DHDDS: variants seen among roughly 807,000 people sequenced by gnomAD.
The protein encoded by DHDDS is dehydrodolichyl diphosphate synthase complex subunit DHDDS.
DHDDS carries 16 observed loss-of-function variants against 46.2 expected under a neutral mutation model. That is an observed-to-expected ratio of 0.35 (90% CI 0.23 to 0.53). The LOEUF (loss-of-function observed/expected upper bound fraction) is 0.53, where lower values mean the gene tolerates loss of function less well. Among genes scored for constraint, DHDDS ranks in the 20% least tolerant of loss-of-function variants. The pLI, the probability that DHDDS is intolerant of heterozygous loss-of-function variation, is 0.94. For missense variants in DHDDS, 340 were observed against 423.7 expected, an observed-to-expected ratio of 0.80 and a Z score of 1.73; for synonymous variants, 151 against 163.1, an observed-to-expected ratio of 0.93 and a Z score of 0.56.
intron 6 of DHDDS, among the ~76,000 whole-genome samples, chr1:26,457,453 G>C (rs191139846): frequency 2.0e-5 from 3 of 151,448 alleles, no homozygotes; most frequent in African/African-American, 7.3e-5. Context: ...CTGGGGAACA[G>C]TGTGAGACTC....
At chr1:26,463,992 CT>C (rs60149042) in intron 8 of DHDDS, among the ~76,000 whole-genome samples, 440 of 93,768 alleles carry the variant, frequency 4.7e-3, no homozygotes, top group Middle Eastern at 0.011. Flanking sequence ...TATTTGCAAA[CT>C]TTTTTTTTTT....
rs1367383291 is a variant in DHDDS, at chr1:26,441,522, T to C, written c.181-1209T>C. Reference sequence around the variant, plus strand: ...GCCAGTTTCATTTCTTTTTGAGTTATAATTTCATATGGTGAACTGCACAGA... The same window carrying C: ...GCCAGTTTCATTTCTTTTTGAGTTACAATTTCATATGGTGAACTGCACAGA... On this transcript the variant is annotated intron_variant, in intron 3 of 8. Transcript: ENST00000236342. 3.9e-5 allele frequency among the ~76,000 whole-genome samples: 6 copies of C among 152,184 alleles called. No homozygotes were observed. The East Asian group carries it at 1.2e-3, about 29-fold the overall frequency.
At chr1:26,456,551 C>T (rs2075371933) in intron 6 of DHDDS, among the ~76,000 whole-genome samples, 1 of 152,248 alleles carries the variant, frequency 6.6e-6, no homozygotes, top group Admixed American at 6.5e-5. Flanking sequence ...CGGCACCACA[C>T]CCAGCTAATT....
At chr1:26,434,702 G>C (rs1262837819) in intron 2 of DHDDS, among the ~76,000 whole-genome samples, 1 of 152,168 alleles carries the variant, frequency 6.6e-6, no homozygotes, top group African/African-American at 2.4e-5. Context: ...GCCCAGGCTA[G>C]AGTGCAGTGG....
At chr1:26,437,664 CTG>C (rs2075173871) in intron 2 of DHDDS, among the ~76,000 whole-genome samples, 2 of 151,918 alleles carry the variant, frequency 1.3e-5, no homozygotes, top group African/African-American at 2.4e-5. Flanking sequence ...TTAGTAGAGA[CTG>C]GGTTTCGCCA....
rs1324295594 is a variant in DHDDS at position 26,458,038 on chromosome 1, G to A, written c.657+133G>A. Reference sequence around the variant, plus strand: ...GTACTTCTGGGGAAAGCTAAAATCTGGAGAAGCATCTCTAGGCTGTGTCTC... The same window carrying A: ...GTACTTCTGGGGAAAGCTAAAATCTAGAGAAGCATCTCTAGGCTGTGTCTC... On this transcript the variant is annotated intron_variant, in intron 7 of 8. Coordinates refer to ENST00000236342, the MANE Select transcript of DHDDS (RefSeq NM_205861.3). 69 of 752,316 alleles carry A rather than the reference G, an allele frequency of 9.2e-5. No individual in the cohort carries two copies. The Admixed American group carries it at 1.2e-3, about 13-fold the overall frequency. 46.6% of individuals were successfully genotyped at this position (752,316 alleles called of 1,614,324 possible). A position where few individuals can be genotyped will look rare whatever the true frequency, so the allele number is the denominator to read the frequency against.
intron 2 of DHDDS, among the ~76,000 whole-genome samples, chr1:26,436,325 G>T (rs1005800062): frequency 3.9e-5 from 6 of 152,038 alleles, no homozygotes; most frequent in African/African-American, 1.4e-4. Context: ...TTCTCCTCCC[G>T]AAAGGTGGAG....
At chr1:26,448,024 G>A (rs2075286169) in intron 6 of DHDDS, 1 of 506,108 alleles carries the variant, frequency 2.0e-6, no homozygotes, top group African/African-American at 1.9e-5. Flanking sequence ...CAGAGAAAGA[G>A]CAAAGCAGAT....
At chr1:26,454,524 A>G (rs886715995) in intron 6 of DHDDS, 16 of 555,220 alleles carry the variant, frequency 2.9e-5, no homozygotes, top group South Asian at 2.3e-5. Flanking sequence ...AGTGCACTCA[A>G]ATCTATTATT....
rs1038637779 is a variant in DHDDS at position 26,447,130 on chromosome 1, G to A, written c.441-429G>A. On this transcript the variant is annotated intron_variant, in intron 5 of 8. Transcript: ENST00000236342. ...AAGTCAGGAGTTCAAGACTAGCCTG[G>A]CCAACATGGTGAAACCCCATCTCTA... Among the ~76,000 whole-genome samples the A allele has an allele frequency of 2.6e-5, 4 of 152,208 alleles. No individual in the cohort carries two copies. The East Asian group carries it at 7.7e-4, about 29-fold the overall frequency.
At chr1:26,434,952 C>T (rs1318553556) in intron 2 of DHDDS, among the ~76,000 whole-genome samples, 1 of 151,670 alleles carries the variant, frequency 6.6e-6, no homozygotes, top group Admixed American at 6.6e-5. Context: ...TGAGCCACCA[C>T]GTCCGGCCCC....
chr1:26,439,337 C>T (rs530583485), intron 3 of DHDDS, among the ~76,000 whole-genome samples: 1 of 152,190 alleles, frequency 6.6e-6, no homozygotes, highest in Non-Finnish European at 1.5e-5. Context: ...TTTAACTGCT[C>T]CACTATTACT....
chr1:26,471,208 GTCCT>G lies in DHDDS; in HGVS notation c.*2081_*2084del. ...AGAAATCAGATGGGACCAATTTAGT[GTCCT>G]TCCACCTGTGAGCCAAGCCCCCATT... On this transcript the variant is annotated 3_prime_UTR_variant, in exon 9 of 9. Transcript: ENST00000236342. 6.6e-6 allele frequency: 1 copy of G among 152,326 alleles called. No individual in the cohort carries two copies. The highest frequency in any genetic ancestry group is 1.5e-5 in the Non-Finnish European group (1 of 68,036). 9.4% of individuals were successfully genotyped at this position (152,326 alleles called of 1,614,324 possible). A position where few individuals can be genotyped will look rare whatever the true frequency, so the allele number is the denominator to read the frequency against.
intron 7 of DHDDS, among the ~76,000 whole-genome samples, chr1:26,458,257 C>G (rs1008102783): frequency 6.6e-6 from 1 of 152,218 alleles, no homozygotes; most frequent in Admixed American, 6.5e-5. Flanking sequence ...TAGTCCCTCC[C>G]CTTCAGGATA....
At chr1:26,449,567 ATTCT>A (rs1016758535) in intron 6 of DHDDS, among the ~76,000 whole-genome samples, 4 of 151,002 alleles carry the variant, frequency 2.6e-5, no homozygotes, top group African/African-American at 9.7e-5. Context: ...TGCTCAGCTA[ATTCT>A]TTTTTTGGAG....
rs1006409155 is a variant in DHDDS, at chr1:26,447,832, C to CA, written c.542+174dup. On this transcript the variant is annotated intron_variant, in intron 6 of 8. Coordinates refer to ENST00000236342, the MANE Select transcript of DHDDS (RefSeq NM_205861.3). Reference sequence around the variant, plus strand: ...ACATGGCAAAACTCCCTCTTTTCAACAACAACAACAAAAAAGCAGGCCTGT... The same window carrying CA: ...ACATGGCAAAACTCCCTCTTTTCAACAAACAACAACAAAAAAGCAGGCCTGT... 82 of 678,236 alleles carry CA rather than the reference C, an allele frequency of 1.2e-4. 1 individual carries two copies. In the African/African-American group the frequency reaches 1.4e-3, roughly 12 times the overall value. 42.0% of individuals were successfully genotyped at this position (678,236 alleles called of 1,614,324 possible).
Position 26,470,627 on chromosome 1 carries a change from C to A in DHDDS, c.*1496C>A, listed in dbSNP as rs940729947. ...AGACTTCTTGGCTATTGTCCATGCT[C>A]CCAGAATCAAGCATAAATGCCAGAC... is the stretch of plus-strand genomic sequence containing the variant. On this transcript the variant is annotated 3_prime_UTR_variant, in exon 9 of 9. Coordinates refer to ENST00000236342, the MANE Select transcript of DHDDS (RefSeq NM_205861.3). The A allele has an allele frequency of 6.6e-6, 1 of 152,636 alleles. No individual in the cohort carries two copies. Among genetic ancestry groups the A allele is most frequent in the Admixed American group, 6.5e-5 (1 of 15,278 alleles). 9.5% of individuals were successfully genotyped at this position (152,636 alleles called of 1,614,324 possible). A position where few individuals can be genotyped will look rare whatever the true frequency, so the allele number is the denominator to read the frequency against.
chr1:26,448,064 A>C, intron 6 of DHDDS: 1 of 394,762 alleles, frequency 2.5e-6, no homozygotes, highest in Non-Finnish European at 4.5e-6. Context: ...TCCTTTACAA[A>C]TTATACCCTC....
At chr1:26,445,938 G>A (rs1394156102) in intron 4 of DHDDS, among the ~76,000 whole-genome samples, 4 of 150,720 alleles carry the variant, frequency 2.7e-5, no homozygotes, top group African/African-American at 4.9e-5. Context: ...TGGGAGGATC[G>A]CTTAAACCCG....
Sources: allele counts gnomAD v4.1 joint callset (sites outside exome capture counted in the v4.1 genomes callset), GRCh38; gene constraint gnomAD v4.1.1; transcripts MANE v1.5; gene names NCBI Gene and HGNC (gene_info 2026-07-23, HGNC 2026-07-21).